The following SELENOW variants were observed in gnomAD, a reference collection of about 807,000 sequenced individuals.
SELENOW encodes selenoprotein W, 1.
In SELENOW, 20 loss-of-function variants were observed where a neutral mutation model predicts 16.6. The observed-to-expected ratio is 1.21, with a 90% CI of 0.85 to 1.76. The LOEUF (loss-of-function observed/expected upper bound fraction) is 1.76, where lower values mean the gene tolerates loss of function less well. Ranked by LOEUF, SELENOW falls within the 40% of genes most tolerant of loss-of-function variation. The probability of loss-of-function intolerance (pLI) is 0.00; values close to 1 mark genes in which losing one functional copy is unlikely to be tolerated. For synonymous variants in SELENOW, 44 were observed against 46.2 expected (o/e 0.95, Z 0.19); for missense variants, 124 against 111.0 (o/e 1.12, Z -0.53).
chr19:47,778,719 C>T lies in SELENOW; in HGVS notation c.-67C>T, dbSNP rs765644281. ...TCCCGCCGCACTCGCGCAGACCTAG[C>T]GCGTCCAGGTGGGAGGTTAGTGTGG... is the stretch of plus-strand genomic sequence containing the variant. On this transcript the variant is annotated 5_prime_UTR_variant, in exon 1 of 6. Transcript: ENST00000601048. 86 of 1,544,336 alleles carry T rather than the reference C, an allele frequency of 5.6e-5. No individual in the cohort carries two copies. Among genetic ancestry groups the T allele is most frequent in the Non-Finnish European group, 7.2e-5 (82 of 1,138,940 alleles).
chr19:47,783,571 C>T (rs1413543489), intron 5 of SELENOW: 2 of 152,180 alleles, frequency 1.3e-5, no homozygotes, highest in Non-Finnish European at 2.9e-5. Context: ...CAGAGTATCC[C>T]ATCCCAACAC....
At chr19:47,781,496 C>T (rs1490774908) in intron 5 of SELENOW, 108 bp downstream of exon 5, 13 of 676,642 alleles carry the variant, frequency 1.9e-5, no homozygotes, top group African/African-American at 1.6e-4. Context: ...GGGGACATCA[C>T]GTGTGTCCCC....
chr19:47,782,167 T>C (rs1403214560), intron 5 of SELENOW: 1 of 152,796 alleles, frequency 6.5e-6, no homozygotes, highest in Non-Finnish European at 1.5e-5. Context: ...AGACAGAATT[T>C]CCTTGCTCCA....
chr19:47,783,359 C>T (rs1436109273), intron 5 of SELENOW: 1 of 152,272 alleles, frequency 6.6e-6, no homozygotes, highest in Non-Finnish European at 1.5e-5. Context: ...TGCCACCACG[C>T]CTGGCTAATT....
rs751354266 is a variant in SELENOW at position 47,780,754 on chromosome 19, G to A, written c.54+5G>A. 42 of 1,557,694 alleles carry A rather than the reference G, an allele frequency of 2.7e-5. No homozygotes were observed. The Admixed American group carries it at 7.7e-4, about 29-fold the overall frequency. On this transcript the variant is annotated splice_donor_5th_base_variant and intron_variant, in intron 2 of 5. Transcript: ENST00000601048. ...GCTTGAGGCTACAAGTCCAAGGTAA[G>A]CAGAGTGGATGCCCGGGGGGCATTC...
At chr19:47,781,057 C>G in intron 3 of SELENOW, 51 bp from the exon 4 acceptor site, 1 of 1,580,430 alleles carries the variant, frequency 6.3e-7, no homozygotes. Flanking sequence ...GAGGGTCTCC[C>G]CAAGAGGACA....
At chr19:47,783,619 G>C (rs1474214463) in intron 5 of SELENOW, 1 of 152,160 alleles carries the variant, frequency 6.6e-6, no homozygotes, top group Admixed American at 6.5e-5. Flanking sequence ...TGTGCCTTGT[G>C]CCAGAAAACT....
At position 47,778,738 on chromosome 19, in the gene SELENOW, A is replaced by G. The variant is rs752101174; in HGVS notation, c.-48A>G. 3.8e-6 allele frequency: 6 copies of G among 1,581,702 alleles called. No individual in the cohort carries two copies. The highest frequency in any genetic ancestry group is 1.4e-5 in the African/African-American group (1 of 73,886). ...ACCTAGCGCGTCCAGGTGGGAGGTT[A>G]GTGTGGCCCGGGCGTCCGCTCCTCA... On this transcript the variant is annotated 5_prime_UTR_variant, in exon 1 of 6. Coordinates refer to ENST00000601048, the MANE Select transcript of SELENOW (RefSeq NM_003009.4).
intron 1 of SELENOW, chr19:47,780,012 G>A (rs796510888): frequency 6.1e-5 from 21 of 344,180 alleles, no homozygotes; most frequent in African/African-American, 4.3e-4. Flanking sequence ...ATTTTGAGAC[G>A]CCTACCAGGC....
rs1325635716 is a variant in SELENOW, at chr19:47,778,703, A to C, written c.-83A>C. 1.4e-5 allele frequency: 21 copies of C among 1,474,536 alleles called. No homozygotes were observed. The South Asian group carries it at 2.5e-4, about 18-fold the overall frequency. The allele number at this position is 1,474,536 out of a possible 1,614,324, so 91.3% of individuals were successfully genotyped here. A position where few individuals can be genotyped will look rare whatever the true frequency, so the allele number is the denominator to read the frequency against. Reference sequence around the variant, plus strand: ...TCCTTTCTGCGCAGGTTCCCGCCGCACTCGCGCAGACCTAGCGCGTCCAGG... The same window carrying C: ...TCCTTTCTGCGCAGGTTCCCGCCGCCCTCGCGCAGACCTAGCGCGTCCAGG... On this transcript the variant is annotated 5_prime_UTR_variant, in exon 1 of 6. Transcript: ENST00000601048.
chr19:47,778,894 G>C (rs1967439355), intron 1 of SELENOW, 80 bp downstream of exon 1: 35 of 1,441,394 alleles, frequency 2.4e-5, no homozygotes, highest in Non-Finnish European at 3.2e-5. Flanking sequence ...GGAGCCCCGG[G>C]GAGAGGACCC....
intron 5 of SELENOW, 143 bp downstream of exon 5, chr19:47,781,531 C>G (rs1402341080): frequency 3.2e-6 from 2 of 621,358 alleles, no homozygotes; most frequent in Admixed American, 2.6e-5. Flanking sequence ...AAAGTTAGAC[C>G]CGGTTGGTGG....
rs570546803 is a variant in SELENOW at position 47,781,334 on chromosome 19, G to C, written c.228G>C (p.Leu76Phe). 3.1e-6 allele frequency: 5 copies of C among 1,611,920 alleles called. No individual in the cohort carries two copies. In the African/African-American group the frequency reaches 6.7e-5, roughly 21 times the overall value. The change falls in exon 5 of 6, where the codon TTG (leucine) becomes TTC (phenylalanine). Residue 76 changes from leucine (L) to phenylalanine (F), a missense_variant. By Grantham distance (22) the Leu-to-Phe change is conservative (BLOSUM62 0). Transcript: ENST00000601048. ...YVDTESKFLK[L>F]VAAIKAALAQ... is the part of the protein sequence containing the mutation. ...ACACAGAAAGCAAGTTTCTGAAGTTGGTGGCCGCCATCAAAGCCGCCTTGG... is the reference window on the plus strand; with the variant it reads ...ACACAGAAAGCAAGTTTCTGAAGTTCGTGGCCGCCATCAAAGCCGCCTTGG...
At chr19:47,781,743 A>T (rs1481682300) in intron 5 of SELENOW, among the ~76,000 whole-genome samples, 4 of 146,598 alleles carry the variant, frequency 2.7e-5, no homozygotes, top group African/African-American at 1.0e-4. Context: ...TGAGATGGTG[A>T]TGGGTCAGAG....
chr19:47,781,296 G>C lies in SELENOW; in HGVS notation c.190G>C (p.Asp64His), dbSNP rs550544996. The C allele has an allele frequency of 3.1e-6, 5 of 1,613,466 alleles. No homozygotes were observed. The highest frequency in any genetic ancestry group is 2.5e-6 in the Non-Finnish European group (3 of 1,179,604). ...CTCTTCCTCCCCTCCCTAGAAAGGC[G>C]ATGGCTACGTGGACACAGAAAGCAA... The part of the protein sequence containing the change: ...GKLIHSKKKG[D>H]GYVDTESKFL... Residue 64 changes from aspartate (D) to histidine (H), a missense_variant, in exon 5 of 6, where the codon GAT becomes CAT. By Grantham distance (81) the Asp-to-His change is moderately conservative. Coordinates refer to ENST00000601048, the MANE Select transcript of SELENOW (RefSeq NM_003009.4).
Position 47,780,855 on chromosome 19 carries a change from C to G in SELENOW, c.55-9C>G. The G allele has an allele frequency of 6.2e-7, 1 of 1,612,612 alleles. No individual in the cohort carries two copies. The highest frequency in any genetic ancestry group is 8.5e-7 in the Non-Finnish European group (1 of 1,179,482). Reference sequence around the variant, plus strand: ...TGACCCCTGCTGTGACCTCTCACCGCGTTTTCAGTATCTTCAGCTCAAGAA... The same window carrying G: ...TGACCCCTGCTGTGACCTCTCACCGGGTTTTCAGTATCTTCAGCTCAAGAA... On this transcript the variant is annotated splice_polypyrimidine_tract_variant and intron_variant, in intron 2 of 5. Transcript: ENST00000601048.
In SELENOW at chr19:47,780,768, C is replaced by CGG. The variant is rs34362700; in HGVS notation, c.54+24_54+25dup. 1.8e-5 allele frequency: 29 copies of CGG among 1,573,508 alleles called. No homozygotes were observed. Among genetic ancestry groups the CGG allele is most frequent in the South Asian group, 1.6e-4 (14 of 86,162 alleles). ...GTCCAAGGTAAGCAGAGTGGATGCC[C>CGG]GGGGGGCATTCCTGGGAGCTGGGGA... On this transcript the variant is annotated intron_variant, in intron 2 of 5. Transcript: ENST00000601048.
chr19:47,778,982 C>G, intron 1 of SELENOW, 168 bp downstream of exon 1: 1 of 620,670 alleles, frequency 1.6e-6, no homozygotes, highest in Non-Finnish European at 2.7e-6. Context: ...AAACAGAGGG[C>G]GGTCGTCCCT....
intron 5 of SELENOW, chr19:47,783,744 T>TA (rs1208684915): frequency 2.6e-5 from 4 of 152,224 alleles, no homozygotes; most frequent in Non-Finnish European, 5.9e-5. Context: ...GCAGAAACGA[T>TA]ATCTTGCCTT....
Sources: allele counts gnomAD v4.1 joint callset (sites outside exome capture counted in the v4.1 genomes callset), GRCh38; gene constraint gnomAD v4.1.1; transcripts MANE v1.5; gene names NCBI Gene and HGNC (gene_info 2026-07-23, HGNC 2026-07-21).